GRIK2: variants seen among roughly 807,000 people sequenced by gnomAD.
GRIK2 encodes the protein glutamate ionotropic receptor kainate type subunit 2, also known as glutamate receptor ionotropic, kainate 2.
Under a neutral mutation model 100.3 loss-of-function variants are expected in GRIK2, and 32 were observed. That is an observed-to-expected ratio of 0.32 (90% CI 0.24 to 0.43). GRIK2 has a LOEUF of 0.43. GRIK2 is among the 20% of genes least tolerant of loss of function. The pLI, the probability that GRIK2 is intolerant of heterozygous loss-of-function variation, is 1.00. For missense variants in GRIK2, 843 were observed against 1,114.9 expected (o/e 0.76, Z 3.47); for synonymous variants, 417 against 389.4 (o/e 1.07, Z -0.83).
intron 10 of GRIK2, among the ~76,000 whole-genome samples, chr6:101,847,976 C>CAGA (rs1168207946): frequency 4.6e-5 from 7 of 152,074 alleles, no homozygotes; most frequent in African/African-American, 1.7e-4. Flanking sequence ...GAAGCAGCTT[C>CAGA]AGCCTTAGGG....
chr6:101,657,427 T>G (rs1276715596), intron 4 of GRIK2, among the ~76,000 whole-genome samples: 1 of 152,132 alleles, frequency 6.6e-6, no homozygotes, highest in Non-Finnish European at 1.5e-5. Flanking sequence ...CCTCTTTCCT[T>G]TATAAATTAC....
chr6:102,014,998 A>T (rs1473521044), intron 14 of GRIK2, among the ~76,000 whole-genome samples: 1 of 151,990 alleles, frequency 6.6e-6, no homozygotes, highest in Non-Finnish European at 1.5e-5. Context: ...TATCTTTGTT[A>T]ATTTTCTGAC....
intron 14 of GRIK2, among the ~76,000 whole-genome samples, chr6:101,988,128 TGTGTGCGCGCGCGCGCGCGCGCGCGC>T (rs770831408): frequency 6.4e-4 from 13 of 20,168 alleles, no homozygotes; most frequent in Admixed American, 1.9e-3. Context: ...TGTGTGTGTG[TGTGTGCGCGCGCGCGCGCGCGCGCGC>T]GTGCGCGCAC....
chr6:101,575,605 A>T (rs948618147), intron 2 of GRIK2, among the ~76,000 whole-genome samples: 1 of 152,028 alleles, frequency 6.6e-6, no homozygotes, highest in Non-Finnish European at 1.5e-5. Context: ...CACCTAGAAA[A>T]TATAGATAGT....
At chr6:101,632,812 G>A (rs745986103) in intron 4 of GRIK2, among the ~76,000 whole-genome samples, 11 of 152,034 alleles carry the variant, frequency 7.2e-5, no homozygotes, top group Admixed American at 1.3e-4. Flanking sequence ...AGTGTAACAA[G>A]TGCACAGAGA....
chr6:101,640,848 A>G (rs1781247555), intron 4 of GRIK2, among the ~76,000 whole-genome samples: 1 of 152,162 alleles, frequency 6.6e-6, no homozygotes, highest in African/African-American at 2.4e-5. Flanking sequence ...AAATTTTCAT[A>G]TTTTGAAACA....
intron 14 of GRIK2, among the ~76,000 whole-genome samples, chr6:101,940,710 G>C (rs1340271): frequency 0.022 from 3,284 of 152,156 alleles, 127 homozygotes; most frequent in African/African-American, 0.076. Flanking sequence ...ATCAAAAGTA[G>C]TAGTGTACTC....
chr6:101,430,438 G>T, intron 2 of GRIK2: 1 of 215,564 alleles, frequency 4.6e-6, no homozygotes, highest in Non-Finnish European at 9.9e-6. Flanking sequence ...TCTGCTGGAA[G>T]GTGGAAAGGG....
chr6:101,929,638 A>G (rs988999300), intron 14 of GRIK2, among the ~76,000 whole-genome samples: 4 of 152,156 alleles, frequency 2.6e-5, no homozygotes, highest in Non-Finnish European at 5.9e-5. Context: ...TAAACTTAAA[A>G]CATCACTGAA....
At chr6:101,953,518 G>A (rs1298547555) in intron 14 of GRIK2, among the ~76,000 whole-genome samples, 1 of 152,112 alleles carries the variant, frequency 6.6e-6, no homozygotes, top group Non-Finnish European at 1.5e-5. Flanking sequence ...AGCTAATGTG[G>A]TTGAGCATCT....
intron 2 of GRIK2, among the ~76,000 whole-genome samples, chr6:101,461,124 T>A (rs2128252387): frequency 6.6e-6 from 1 of 152,328 alleles, no homozygotes; most frequent in African/African-American, 2.4e-5. Flanking sequence ...ATACTGGAGA[T>A]GAAACCATGT....
intron 2 of GRIK2, among the ~76,000 whole-genome samples, chr6:101,439,666 GT>G (rs1448515193): frequency 6.6e-6 from 1 of 151,966 alleles, no homozygotes; most frequent in African/African-American, 2.4e-5. Context: ...ATGTAAATAT[GT>G]ATATTGATAA....
intron 2 of GRIK2, among the ~76,000 whole-genome samples, chr6:101,510,086 A>T (rs748384048): frequency 1.3e-5 from 2 of 152,178 alleles, no homozygotes; most frequent in Non-Finnish European, 2.9e-5. Flanking sequence ...TCCACTTAAA[A>T]TAAGATTTCA....
intron 2 of GRIK2, among the ~76,000 whole-genome samples, chr6:101,494,743 C>G (rs1166896178): frequency 6.6e-6 from 1 of 150,884 alleles, no homozygotes; most frequent in African/African-American, 2.4e-5. Flanking sequence ...CCAGCCTGGG[C>G]AACATGGTGA....
chr6:101,855,615 C>T (rs1483931743), intron 10 of GRIK2, among the ~76,000 whole-genome samples: 1 of 151,930 alleles, frequency 6.6e-6, no homozygotes, highest in East Asian at 1.9e-4. Flanking sequence ...AGTTTGAAGA[C>T]CAAAATGAAG....
chr6:101,472,696 ATTACAATTAGCTGATAT>A (rs1772010952), intron 2 of GRIK2, among the ~76,000 whole-genome samples: 1 of 151,780 alleles, frequency 6.6e-6, no homozygotes, highest in African/African-American at 2.4e-5. Context: ...ACAATACATA[ATTACAATTAGCTGATAT>A]GCAGCCATTC....
chr6:101,622,113 A>G lies in GRIK2; in HGVS notation c.280A>G (p.Lys94Glu), dbSNP rs1582842017. The G allele has an allele frequency of 6.4e-7, 1 of 1,565,364 alleles. No individual in the cohort carries two copies. Among genetic ancestry groups the G allele is most frequent in the Non-Finnish European group, 8.8e-7 (1 of 1,141,430 alleles). ...NLYDSFEASK[K>E]ACDQLSLGVA... ...TTATGATAGTTTTGAAGCATCCAAG[A>G]AAGGTAATTGATAGATTTTTAACAT... The change falls in exon 3 of 17, where the codon AAA becomes GAA. Residue 94 changes from lysine to glutamate, a missense_variant. This residue lies in a region of GRIK2 where 519 missense variants were observed against 643.8 expected (regional missense o/e 0.81). Coordinates refer to ENST00000369134, the MANE Select transcript of GRIK2 (RefSeq NM_021956.5).
At chr6:101,485,248 A>G (rs1772757426) in intron 2 of GRIK2, among the ~76,000 whole-genome samples, 1 of 152,210 alleles carries the variant, frequency 6.6e-6, no homozygotes, top group African/African-American at 2.4e-5. Context: ...GAGAATATTT[A>G]AGTATCATAG....
chr6:101,925,636 C>T (rs1302930785), intron 13 of GRIK2, among the ~76,000 whole-genome samples: 1 of 151,286 alleles, frequency 6.6e-6, no homozygotes, highest in Non-Finnish European at 1.5e-5. Context: ...ATTTGAAAAA[C>T]TGACAGTAAA....
Sources: allele counts gnomAD v4.1 joint callset (sites outside exome capture counted in the v4.1 genomes callset), GRCh38; gene constraint gnomAD v4.1.1; regional missense constraint gnomAD v4.1.1; transcripts MANE v1.5; gene names NCBI Gene and HGNC (gene_info 2026-07-23, HGNC 2026-07-21).